The following ITGA9 variants were observed in gnomAD, a reference collection of about 807,000 sequenced individuals.
The protein encoded by ITGA9 is integrin alpha-9.
Under a neutral mutation model 127.8 loss-of-function variants are expected in ITGA9, and 56 were observed. That is an observed-to-expected ratio of 0.44 (90% CI 0.35 to 0.55). The LOEUF (loss-of-function observed/expected upper bound fraction) is 0.55, where lower values mean the gene tolerates loss of function less well. ITGA9 is among the 20% of genes least tolerant of loss of function. The pLI is 0.00. For missense variants in ITGA9, 1,196 were observed against 1,347.1 expected (o/e 0.89, Z 1.76); for synonymous variants, 508 against 514.5 (o/e 0.99, Z 0.17).
chr3:37,538,386 A>G (rs970338963), intron 14 of ITGA9, among the ~76,000 whole-genome samples: 3 of 152,204 alleles, frequency 2.0e-5, no homozygotes, highest in Non-Finnish European at 4.4e-5. Flanking sequence ...GGCTGAAAGT[A>G]TTACTCGGGG....
In ITGA9 at chr3:37,757,955, C is replaced by T. The variant is rs550092749; in HGVS notation, c.2541+7386C>T. Among the ~76,000 whole-genome samples, 10 of 151,802 alleles carry T rather than the reference C, an allele frequency of 6.6e-5. No individual in the cohort carries two copies. In the South Asian group the frequency reaches 1.9e-3, roughly 28 times the overall value. Reference sequence around the variant, plus strand: ...TGGTACAGAAACCAGAAATGGAGAGCGGGCACACTCACGCAAAAATAGGAA... The same window carrying T: ...TGGTACAGAAACCAGAAATGGAGAGTGGGCACACTCACGCAAAAATAGGAA... On this transcript the variant is annotated intron_variant, in intron 23 of 27. Coordinates refer to ENST00000264741, the MANE Select transcript of ITGA9 (RefSeq NM_002207.3).
rs1168040830 is a variant in ITGA9, at chr3:37,469,554, C to T, written c.186-1453C>T. ...GGTTGAATGACAACATTATCCGCAC[C>T]CCCAGCAATTCCCCTCCCTAATTGC... On this transcript the variant is annotated intron_variant, in intron 1 of 27. Transcript: ENST00000264741. Among the ~76,000 whole-genome samples the T allele has an allele frequency of 3.9e-5, 6 of 152,222 alleles. No homozygotes were observed. The East Asian group carries it at 1.2e-3, about 29-fold the overall frequency.
At chr3:37,737,684 G>A (rs918057730) in intron 20 of ITGA9, among the ~76,000 whole-genome samples, 2 of 152,182 alleles carry the variant, frequency 1.3e-5, no homozygotes, top group South Asian at 2.1e-4. Flanking sequence ...AGGGAGGGGC[G>A]TTCAGGTGGG....
intron 20 of ITGA9, among the ~76,000 whole-genome samples, chr3:37,741,131 C>A (rs1010507798): frequency 3.3e-5 from 5 of 152,164 alleles, no homozygotes; most frequent in Non-Finnish European, 5.9e-5. Flanking sequence ...AGGTGCCCTG[C>A]CCATAACCCC....
At chr3:37,726,054 A>G (rs1049957910) in intron 18 of ITGA9, among the ~76,000 whole-genome samples, 3 of 152,240 alleles carry the variant, frequency 2.0e-5, no homozygotes, top group African/African-American at 7.2e-5. Context: ...TGCTGCTAAT[A>G]AAGTGTTTGC....
chr3:37,617,353 C>T (rs1387860831), intron 15 of ITGA9, among the ~76,000 whole-genome samples: 1 of 152,204 alleles, frequency 6.6e-6, no homozygotes, highest in African/African-American at 2.4e-5. Context: ...GATGGGCTTC[C>T]CTTTGTGGGT....
intron 10 of ITGA9, among the ~76,000 whole-genome samples, chr3:37,518,388 G>T (rs1213247110): frequency 6.6e-6 from 1 of 152,142 alleles, no homozygotes; most frequent in East Asian, 1.9e-4. Context: ...CTCCCCCTTG[G>T]CCTCACTTCT....
chr3:37,454,391 T>A (rs1698234882), intron 1 of ITGA9, among the ~76,000 whole-genome samples: 1 of 152,254 alleles, frequency 6.6e-6, no homozygotes. Context: ...CTGTGTGACA[T>A]GAGCAGATTT....
intron 26 of ITGA9, among the ~76,000 whole-genome samples, chr3:37,793,037 C>G (rs886484966): frequency 1.3e-5 from 2 of 152,012 alleles, no homozygotes; most frequent in Admixed American, 6.6e-5. Flanking sequence ...GAAAAATGAG[C>G]CTCCTTCTCC....
rs1040190133 is a variant in ITGA9 at position 37,821,002 on chromosome 3, G to T, written c.*2013G>T. The T allele has an allele frequency of 9.9e-5, 15 of 152,170 alleles. No individual in the cohort carries two copies. The highest frequency in any genetic ancestry group is 3.1e-4 in the African/African-American group (13 of 41,430). The allele number at this position is 152,170 out of a possible 1,614,324, so 9.4% of individuals were successfully genotyped here. A position where few individuals can be genotyped will look rare whatever the true frequency, so the allele number is the denominator to read the frequency against. ...TTTGGCAAAATTATGAGGGTGATGG[G>T]TGGGTACTAACCTGGCATGGAGCAG... On this transcript the variant is annotated 3_prime_UTR_variant, in exon 28 of 28. Coordinates refer to ENST00000264741, the MANE Select transcript of ITGA9 (RefSeq NM_002207.3).
intron 17 of ITGA9, among the ~76,000 whole-genome samples, chr3:37,672,833 T>C: frequency 6.6e-6 from 1 of 151,988 alleles, no homozygotes; most frequent in East Asian, 1.9e-4. Flanking sequence ...AAAATAAAAT[T>C]AGATTTTCTC....
intron 26 of ITGA9, among the ~76,000 whole-genome samples, chr3:37,796,424 T>G (rs1000610626): frequency 6.6e-6 from 1 of 152,268 alleles, no homozygotes; most frequent in South Asian, 2.1e-4. Context: ...ATTTCCACAA[T>G]GTCTAGCACA....
In ITGA9 at chr3:37,510,483, C is replaced by T. The variant is rs1488473560; in HGVS notation, c.897+1856C>T. Among the ~76,000 whole-genome samples the T allele has an allele frequency of 2.6e-5, 4 of 152,248 alleles. No individual in the cohort carries two copies. In the East Asian group the frequency reaches 7.7e-4, roughly 29 times the overall value. ...AATCTGTAATTGTGCCCTCTCTCCTCCTTGAAAACCTCTTGGTTTGGATGA... is the reference window on the plus strand; with the variant it reads ...AATCTGTAATTGTGCCCTCTCTCCTTCTTGAAAACCTCTTGGTTTGGATGA... On this transcript the variant is annotated intron_variant, in intron 8 of 27. Transcript: ENST00000264741.
At chr3:37,732,414 T>G (rs1168910816) in intron 18 of ITGA9, among the ~76,000 whole-genome samples, 1 of 152,006 alleles carries the variant, frequency 6.6e-6, no homozygotes, top group Non-Finnish European at 1.5e-5. Context: ...ATCCAAACCT[T>G]AGGAGGTCTC....
chr3:37,561,637 C>A (rs1699489207), intron 15 of ITGA9, among the ~76,000 whole-genome samples: 1 of 152,188 alleles, frequency 6.6e-6, no homozygotes, highest in Non-Finnish European at 1.5e-5. Flanking sequence ...TCCAGCATTT[C>A]AGAAAGCCTG....
chr3:37,487,316 G>C (rs566002393), intron 4 of ITGA9, among the ~76,000 whole-genome samples: 27 of 152,312 alleles, frequency 1.8e-4, no homozygotes, highest in African/African-American at 6.0e-4. Context: ...GATTCTGAGG[G>C]GGAGGAAGGG....
At chr3:37,660,812 A>G (rs751224643) in intron 17 of ITGA9, among the ~76,000 whole-genome samples, 3 of 152,232 alleles carry the variant, frequency 2.0e-5, no homozygotes, top group Non-Finnish European at 4.4e-5. Flanking sequence ...ATCTGGGTTC[A>G]GCAGAGGGTA....
At chr3:37,600,357 A>T (rs532364876) in intron 15 of ITGA9, among the ~76,000 whole-genome samples, 7 of 152,284 alleles carry the variant, frequency 4.6e-5, no homozygotes, top group Non-Finnish European at 8.8e-5. Context: ...GTGGGATGTC[A>T]AGCCCCTTCC....
At chr3:37,649,122 A>T (rs1031288984) in intron 16 of ITGA9, among the ~76,000 whole-genome samples, 1 of 151,570 alleles carries the variant, frequency 6.6e-6, no homozygotes, top group African/African-American at 2.4e-5. Context: ...GATACAAAAA[A>T]AAAAAAGAAA....
Sources: gnomAD v4.1 joint callset for allele counts (sites outside exome capture counted in the v4.1 genomes callset) on GRCh38, gnomAD v4.1.1 for gene constraint, MANE v1.5 for transcripts, NCBI Gene and HGNC (gene_info 2026-07-23, HGNC 2026-07-21) for gene names.